Variants in PAX3 observed in about 807,000 individuals in gnomAD.
The protein encoded by PAX3 is paired box protein Pax-3.
PAX3 carries 14 observed loss-of-function variants against 51.6 expected under a neutral mutation model. The ratio of observed to expected loss-of-function variants is 0.27; its 90% confidence interval spans 0.18 to 0.42. The LOEUF is 0.42. Ranked by LOEUF, PAX3 falls within the 10% of genes least tolerant of loss-of-function variation. The pLI is 1.00. For synonymous variants in PAX3, 280 were observed against 253.4 expected (o/e 1.11, Z -1.00); for missense variants, 540 against 642.8 (o/e 0.84, Z 1.73).
chr2:222,297,339 T>G (rs1410856953), intron 1 of PAX3, 126 bp from the exon 2 acceptor site: 1 of 753,748 alleles, frequency 1.3e-6, no homozygotes, highest in Non-Finnish European at 2.4e-6. Flanking sequence ...ACGCTGAAAC[T>G]GCTCGACATC....
At chr2:222,288,210 C>T (rs556153948) in intron 4 of PAX3, among the ~76,000 whole-genome samples, 1 of 152,310 alleles carries the variant, frequency 6.6e-6, no homozygotes, top group Admixed American at 6.5e-5. Context: ...AAATATTTCT[C>T]CTGGCATTCA....
chr2:222,253,473 G>A (rs571418589), intron 4 of PAX3, among the ~76,000 whole-genome samples: 1 of 151,630 alleles, frequency 6.6e-6, no homozygotes, highest in Non-Finnish European at 1.5e-5. Flanking sequence ...AACAAACCTA[G>A]GTGATGCACC....
At chr2:222,247,386 A>T (rs1559283481) in intron 4 of PAX3, among the ~76,000 whole-genome samples, 3 of 152,058 alleles carry the variant, frequency 2.0e-5, no homozygotes, top group African/African-American at 7.2e-5. Flanking sequence ...GTTTTTTAAA[A>T]TTTTTTCCCA....
chr2:222,293,498 A>T, intron 4 of PAX3: 1 of 794,104 alleles, frequency 1.3e-6, no homozygotes, highest in Non-Finnish European at 2.0e-6. Flanking sequence ...TACCCCTAGA[A>T]GACAGAGGGT....
intron 7 of PAX3, among the ~76,000 whole-genome samples, chr2:222,211,973 G>A (rs777694524): frequency 2.0e-5 from 3 of 152,138 alleles, no homozygotes; most frequent in Non-Finnish European, 2.9e-5. Flanking sequence ...TGGTTTCAGG[G>A]TGTTCAAATA....
In PAX3 at chr2:222,221,278, G is replaced by C; in HGVS notation, c.902C>G (p.Thr301Ser). 2 of 1,614,098 alleles carry C rather than the reference G, an allele frequency of 1.2e-6. No individual in the cohort carries two copies. The highest frequency in any genetic ancestry group is 1.7e-6 in the Non-Finnish European group (2 of 1,179,964). ...CTCCGACAGCTGGTACGTTGGCAAG[G>C]TCGGCATGGCAGTGGGAGGGAACCC... The part of the protein sequence containing the change: ...PGGFPPTAMP[T>S]LPTYQLSETS... Residue 301 changes from threonine to serine, a missense_variant, in exon 6 of 9, where the codon ACC (threonine) becomes AGC (serine). Coordinates refer to ENST00000392070, the MANE Select transcript of PAX3 (RefSeq NM_181458.4).
At position 222,201,381 on chromosome 2, in the gene PAX3, A is replaced by G; in HGVS notation, c.*27T>C. On this transcript the variant is annotated 3_prime_UTR_variant, in exon 9 of 9. Transcript: ENST00000392070. ...GGCTGCGAAGACCAGAAACAGGGCC[A>G]GTTTTAGCTCCAAGTGGACAGTTCA... is the stretch of plus-strand genomic sequence containing the variant. 1 of 1,613,230 alleles carries G rather than the reference A, an allele frequency of 6.2e-7. No individual in the cohort carries two copies.
In PAX3 at chr2:222,221,569, AG is replaced by A. The variant is rs1206335645; in HGVS notation, c.793-183del. 1.2e-5 allele frequency: 7 copies of A among 608,054 alleles called. No individual in the cohort carries two copies. In the East Asian group the frequency reaches 1.5e-4, roughly 13 times the overall value. 37.7% of individuals were successfully genotyped at this position (608,054 alleles called of 1,614,324 possible). ...GAGTAAAAGAAGAGTTTAGTGTCAA[AG>A]GTCAGTAGAGGGGCTTCAGGGACCC... is the stretch of plus-strand genomic sequence containing the variant. On this transcript the variant is annotated intron_variant, in intron 5 of 8. Transcript: ENST00000392070.
chr2:222,202,773 CT>C (rs1342002853), intron 7 of PAX3, among the ~76,000 whole-genome samples: 1 of 150,498 alleles, frequency 6.6e-6, no homozygotes, highest in Non-Finnish European at 1.5e-5. Flanking sequence ...GAAATATTTA[CT>C]CCTTTCCTGA....
chr2:222,236,030 C>T lies in PAX3; in HGVS notation c.587-3747G>A, dbSNP rs1692785818. 2.0e-5 allele frequency among the ~76,000 whole-genome samples: 3 copies of T among 152,252 alleles called. No homozygotes were observed. In the South Asian group the frequency reaches 6.2e-4, roughly 32 times the overall value. On this transcript the variant is annotated intron_variant, in intron 4 of 8. Coordinates refer to ENST00000392070, the MANE Select transcript of PAX3 (RefSeq NM_181458.4). ...CCAGATAATTTTTGGCAATATGAAGCCACAATCTTACAAGATAATTCTAAC... is the reference window on the plus strand; with the variant it reads ...CCAGATAATTTTTGGCAATATGAAGTCACAATCTTACAAGATAATTCTAAC...
intron 7 of PAX3, among the ~76,000 whole-genome samples, chr2:222,214,978 G>C (rs141054276): frequency 6.6e-6 from 1 of 151,986 alleles, no homozygotes; most frequent in African/African-American, 2.4e-5. Context: ...CTGCCCATCT[G>C]TTCTAAACAT....
intron 4 of PAX3, among the ~76,000 whole-genome samples, chr2:222,255,094 T>C (rs1693589359): frequency 6.6e-6 from 1 of 152,232 alleles, no homozygotes; most frequent in Admixed American, 6.5e-5. Context: ...GCTTTACATT[T>C]TTAACTCAGG....
At chr2:222,221,421 T>A (rs1553573017) in intron 5 of PAX3, 34 bp from the exon 6 acceptor site, 1 of 1,576,250 alleles carries the variant, frequency 6.3e-7, no homozygotes, top group Non-Finnish European at 8.7e-7. Flanking sequence ...AGGATTTCAC[T>A]GATGAAATAA....
chr2:222,206,904 G>C (rs1449905564), intron 7 of PAX3, among the ~76,000 whole-genome samples: 2 of 152,080 alleles, frequency 1.3e-5, no homozygotes, highest in East Asian at 3.9e-4. Flanking sequence ...TTTTTCTTTA[G>C]TAGGAATTCT....
intron 4 of PAX3, among the ~76,000 whole-genome samples, chr2:222,250,966 A>G (rs1416684627): frequency 6.6e-6 from 1 of 152,192 alleles, no homozygotes; most frequent in Non-Finnish European, 1.5e-5. Flanking sequence ...AAAATTGAAA[A>G]TGCACATTTG....
intron 4 of PAX3, among the ~76,000 whole-genome samples, chr2:222,282,975 A>G (rs993526679): frequency 6.6e-6 from 1 of 152,252 alleles, no homozygotes; most frequent in Non-Finnish European, 1.5e-5. Context: ...AAAGGCAAAC[A>G]CACTCCTGCA....
intron 4 of PAX3, among the ~76,000 whole-genome samples, chr2:222,284,192 C>T (rs902033957): frequency 2.6e-5 from 4 of 152,084 alleles, no homozygotes; most frequent in Non-Finnish European, 5.9e-5. Flanking sequence ...CTATAAAGAC[C>T]TTTAAGAACA....
rs546468709 is a variant in PAX3, at chr2:222,209,696, C to CAAAAAAAA, written c.1174-7514_1174-7507dup. Among the ~76,000 whole-genome samples, 5 of 61,370 alleles carry CAAAAAAAA rather than the reference C, an allele frequency of 8.1e-5. 1 individual carries two copies. The highest frequency in any genetic ancestry group is 3.3e-4 in the African/African-American group (5 of 15,232). 40.3% of individuals were successfully genotyped at this position (61,370 alleles called of 152,430 possible). A position where few individuals can be genotyped will look rare whatever the true frequency, so the allele number is the denominator to read the frequency against. Reference sequence around the variant, plus strand: ...TCAATACAGCAAAACTCTGTCTCTACAAAAAAAAAAAAAAAAAAAAAAAAA... The same window carrying CAAAAAAAA: ...TCAATACAGCAAAACTCTGTCTCTACAAAAAAAAAAAAAAAAAAAAAAAAAAAAAAAAA... On this transcript the variant is annotated intron_variant, in intron 7 of 8. Transcript: ENST00000392070.
chr2:222,293,350 C>A (rs538688385), intron 4 of PAX3, among the ~76,000 whole-genome samples: 1 of 152,270 alleles, frequency 6.6e-6, no homozygotes, highest in African/African-American at 2.4e-5. Context: ...TTCTTTCTTT[C>A]TTTTTGCGTT....
Sources: allele counts gnomAD v4.1 joint callset (sites outside exome capture counted in the v4.1 genomes callset), GRCh38; gene constraint gnomAD v4.1.1; transcripts MANE v1.5; gene names NCBI Gene and HGNC (gene_info 2026-07-23, HGNC 2026-07-21).